FTO: variants seen among roughly 807,000 people sequenced by gnomAD.
The protein encoded by FTO is FTO alpha-ketoglutarate dependent dioxygenase.
FTO carries 47 observed loss-of-function variants against 63.9 expected under a neutral mutation model. The observed-to-expected ratio is 0.74, with a 90% CI of 0.58 to 0.94. FTO has a LOEUF of 0.94. FTO is among the 40% of genes least tolerant of loss of function. The pLI is 0.00. For missense variants in FTO, 562 were observed against 618.1 expected, an observed-to-expected ratio of 0.91 and a Z score of 0.96; for synonymous variants, 207 against 224.4, an observed-to-expected ratio of 0.92 and a Z score of 0.69.
intron 8 of FTO, among the ~76,000 whole-genome samples, chr16:53,962,850 C>A (rs1462596184): frequency 2.0e-5 from 3 of 152,084 alleles, no homozygotes; most frequent in Admixed American, 6.5e-5. Flanking sequence ...CAAAGTTCAG[C>A]ATGAGAAATG....
chr16:54,068,612 G>A (rs1200066308), intron 8 of FTO, among the ~76,000 whole-genome samples: 1 of 152,196 alleles, frequency 6.6e-6, no homozygotes, highest in Non-Finnish European at 1.5e-5. Context: ...TGGGAAAATA[G>A]CCTCCTCCAT....
intron 8 of FTO, among the ~76,000 whole-genome samples, chr16:53,960,160 T>C (rs557257828): frequency 6.6e-6 from 1 of 152,276 alleles, no homozygotes; most frequent in South Asian, 2.1e-4. Flanking sequence ...TCATCTCTTC[T>C]CTCCTTTACA....
chr16:53,895,608 A>G (rs1418126829), intron 7 of FTO, among the ~76,000 whole-genome samples: 1 of 152,212 alleles, frequency 6.6e-6, no homozygotes, highest in Non-Finnish European at 1.5e-5. Context: ...ATAGAATTCT[A>G]CTGAGGATAC....
chr16:53,972,720 C>T (rs76948577), intron 8 of FTO, among the ~76,000 whole-genome samples: 5,084 of 152,302 alleles, frequency 0.033, 137 homozygotes, highest in Non-Finnish European at 0.055. Context: ...TTTCAATCAG[C>T]TCTACATTTT....
At chr16:53,906,274 G>A (rs1475818111) in intron 7 of FTO, among the ~76,000 whole-genome samples, 1 of 152,196 alleles carries the variant, frequency 6.6e-6, no homozygotes, top group East Asian at 1.9e-4. Context: ...TCACCAAGTT[G>A]CAGTATGGTT....
intron 1 of FTO, among the ~76,000 whole-genome samples, chr16:53,783,605 A>AT (rs1555633086): frequency 0.097 from 4,038 of 41,828 alleles, 402 homozygotes; most frequent in African/African-American, 0.36. Context: ...AAGACTCCAT[A>AT]AAAAAAAAAA....
chr16:53,885,279 G>A (rs1187384666), intron 6 of FTO, among the ~76,000 whole-genome samples: 1 of 152,132 alleles, frequency 6.6e-6, no homozygotes, highest in Non-Finnish European at 1.5e-5. Context: ...GAGAGAGTCA[G>A]CTACTTCTTT....
intron 1 of FTO, among the ~76,000 whole-genome samples, chr16:53,771,081 C>G (rs2077323070): frequency 6.6e-6 from 1 of 152,124 alleles, no homozygotes; most frequent in Non-Finnish European, 1.5e-5. Context: ...ATGATAGAGA[C>G]TTTCGCGAAA....
At chr16:54,002,148 G>T (rs2084082938) in intron 8 of FTO, among the ~76,000 whole-genome samples, 1 of 152,174 alleles carries the variant, frequency 6.6e-6, no homozygotes, top group Non-Finnish European at 1.5e-5. Context: ...TTTCAGCAAA[G>T]ATATATGTTC....
chr16:53,787,004 G>A (rs1340102283), intron 1 of FTO, among the ~76,000 whole-genome samples: 5 of 149,880 alleles, frequency 3.3e-5, no homozygotes, highest in African/African-American at 4.9e-5. Flanking sequence ...CCAGCTACTC[G>A]GGAGGCTGAG....
At chr16:54,066,326 C>A (rs915623467) in intron 8 of FTO, among the ~76,000 whole-genome samples, 2 of 152,208 alleles carry the variant, frequency 1.3e-5, no homozygotes, top group Non-Finnish European at 2.9e-5. Context: ...TGGCAGCTGA[C>A]AAGTGACACA....
intron 1 of FTO, among the ~76,000 whole-genome samples, chr16:53,763,250 A>ATT (rs66721402): frequency 6.6e-6 from 1 of 152,034 alleles, no homozygotes; most frequent in Non-Finnish European, 1.5e-5. Flanking sequence ...TTATATATCC[A>ATT]TTTTTTTAAA....
intron 8 of FTO, among the ~76,000 whole-genome samples, chr16:54,078,518 C>T (rs2086057093): frequency 6.6e-6 from 1 of 151,962 alleles, no homozygotes; most frequent in African/African-American, 2.4e-5. Flanking sequence ...CTCAGTTACA[C>T]AGTCAGCTGC....
chr16:54,097,263 A>G (rs1392696036), intron 8 of FTO, among the ~76,000 whole-genome samples: 1 of 152,070 alleles, frequency 6.6e-6, no homozygotes, highest in Non-Finnish European at 1.5e-5. Flanking sequence ...TTTAACTCTC[A>G]GACCAGTGCT....
At chr16:54,075,001 T>C (rs1231290026) in intron 8 of FTO, among the ~76,000 whole-genome samples, 1 of 151,952 alleles carries the variant, frequency 6.6e-6, no homozygotes, top group Non-Finnish European at 1.5e-5. Flanking sequence ...CAGTATCTTT[T>C]TGATTTAATT....
intron 8 of FTO, among the ~76,000 whole-genome samples, chr16:53,983,197 G>A (rs1437245658): frequency 6.6e-6 from 1 of 152,070 alleles, no homozygotes; most frequent in East Asian, 1.9e-4. Flanking sequence ...AACGGTAAAA[G>A]AGTCAAGCTG....
intron 7 of FTO, among the ~76,000 whole-genome samples, chr16:53,904,870 T>C (rs1291248566): frequency 6.6e-6 from 1 of 152,060 alleles, no homozygotes; most frequent in Non-Finnish European, 1.5e-5. Flanking sequence ...CATTCTCTGC[T>C]CTGGGCCTTT....
chr16:53,742,225 T>C (rs1244519671), intron 1 of FTO, among the ~76,000 whole-genome samples: 1 of 152,130 alleles, frequency 6.6e-6, no homozygotes, highest in Non-Finnish European at 1.5e-5. Context: ...GAGGCTGCTT[T>C]ACTATGTGGT....
intron 8 of FTO, among the ~76,000 whole-genome samples, chr16:53,970,590 CAAAAAAA>C (rs750908676): frequency 2.1e-4 from 14 of 65,312 alleles, no homozygotes; most frequent in African/African-American, 4.2e-4. Context: ...GACTCCATCT[CAAAAAAA>C]AAAAAAAAAA....
Sources: gnomAD v4.1 joint callset for allele counts (sites outside exome capture counted in the v4.1 genomes callset) on GRCh38, gnomAD v4.1.1 for gene constraint, MANE v1.5 for transcripts, NCBI Gene and HGNC (gene_info 2026-07-23, HGNC 2026-07-21) for gene names.